Variants in PROM2 observed in about 807,000 individuals in gnomAD.
PROM2 encodes prominin 2.
Under a neutral mutation model 110.2 loss-of-function variants are expected in PROM2, and 90 were observed. The ratio of observed to expected loss-of-function variants is 0.82; its 90% CI spans 0.69 to 0.97. PROM2 has a LOEUF of 0.97. PROM2 is among the 50% of genes least tolerant of loss of function. The pLI is 0.00. For synonymous variants in PROM2, 470 were observed against 467.8 expected, an observed-to-expected ratio of 1.00 and a Z score of -0.06; for missense variants, 1,009 against 1,074.8, an observed-to-expected ratio of 0.94 and a Z score of 0.86.
chr2:95,284,696 C>T (rs1407834086), intron 14 of PROM2, among the ~76,000 whole-genome samples: 1 of 152,160 alleles, frequency 6.6e-6, no homozygotes, highest in Admixed American at 6.5e-5. Context: ...GCAGAGGTGC[C>T]ACACTCTTTC....
chr2:95,281,740 G>C (rs1009679444), intron 12 of PROM2, among the ~76,000 whole-genome samples, 185 bp from the exon 13 acceptor site: 1 of 152,122 alleles, frequency 6.6e-6, no homozygotes, highest in Non-Finnish European at 1.5e-5. Flanking sequence ...CATGGGAAGA[G>C]CCCCTGTAAG....
In PROM2 at chr2:95,286,825, A is replaced by G. The variant is rs369154449; in HGVS notation, c.2062A>G (p.Arg688Gly). 8 of 1,613,392 alleles carry G rather than the reference A, an allele frequency of 5.0e-6. No homozygotes were observed. The East Asian group carries it at 1.3e-4, about 27-fold the overall frequency. The change falls in exon 18 of 24, where the codon AGG (arginine) becomes GGG (glycine). Residue 688 changes from arginine (R) to glycine (G), a missense_variant. Physicochemically the swap from Arg to Gly is moderately radical, Grantham distance 125. Coordinates refer to ENST00000317620, the MANE Select transcript of PROM2 (RefSeq NM_001165978.3). The stretch of plus-strand genomic sequence containing the variant: ...ACAGGCAAAGCTCAACCTCAGCGTC[A>G]GGGCCCTGGAGTCCTCTGCCCCGAA... Reference protein sequence around the residue: ...SLVAKLNLSVRALESSAPNLQ... With the variant: ...SLVAKLNLSVGALESSAPNLQ...
In PROM2 at chr2:95,276,782, T is replaced by C. The variant is rs994132860; in HGVS notation, c.682+125T>C. 1.8e-5 allele frequency: 22 copies of C among 1,215,726 alleles called. No homozygotes were observed. The highest frequency in any genetic ancestry group is 2.5e-5 in the Non-Finnish European group (21 of 846,786). The allele number at this position is 1,215,726 out of a possible 1,614,324, so 75.3% of individuals were successfully genotyped here. ...GGGAACAGGCTGGTAGAGGTGGGGATCAGGCCGGCTGGAGAGCAAGAGTGG... is the reference window on the plus strand; with the variant it reads ...GGGAACAGGCTGGTAGAGGTGGGGACCAGGCCGGCTGGAGAGCAAGAGTGG... On this transcript the variant is annotated intron_variant, in intron 5 of 23. Transcript: ENST00000317620. This position sits in a 1 kb window ranked among gnomAD's most constrained non-coding sequence, Gnocchi z 4.6.
At chr2:95,274,929 G>A (rs1302250276) in intron 1 of PROM2, 100 bp downstream of exon 1, 10 of 1,399,198 alleles carry the variant, frequency 7.1e-6, no homozygotes, top group African/African-American at 4.4e-5. Context: ...CTACAAGCAG[G>A]CACTTGCCAT....
chr2:95,275,745 G>C lies in PROM2; in HGVS notation c.295-185G>C, dbSNP rs1471643963. 3.4e-6 allele frequency: 5 copies of C among 1,453,318 alleles called. No individual in the cohort carries two copies. In the Admixed American group the frequency reaches 1.2e-4, roughly 36 times the overall value. The allele number at this position is 1,453,318 out of a possible 1,614,324, so 90.0% of individuals were successfully genotyped here. On this transcript the variant is annotated intron_variant, in intron 2 of 23. Transcript: ENST00000317620. This position sits in a 1 kb window ranked among gnomAD's most constrained non-coding sequence, Gnocchi z 4.4. ...GGGAGCTGGAACTTCCTGAACTTCA[G>C]CTTCCTCCTGTGTAAGATGGTGATG...
In PROM2 at chr2:95,288,308, C is replaced by T. The variant is rs747079425; in HGVS notation, c.2334+8C>T. 4 of 1,613,558 alleles carry T rather than the reference C, an allele frequency of 2.5e-6. No homozygotes were observed. In the Admixed American group the frequency reaches 5.0e-5, roughly 20 times the overall value. On this transcript the variant is annotated splice_region_variant and intron_variant, in intron 21 of 23. Coordinates refer to ENST00000317620, the MANE Select transcript of PROM2 (RefSeq NM_001165978.3). ...ATGATGGCTGACCCCTGGGTGAGTGCCCCAGCTCATCGGGGCTTGTTCACC... is the reference window on the plus strand; with the variant it reads ...ATGATGGCTGACCCCTGGGTGAGTGTCCCAGCTCATCGGGGCTTGTTCACC...
chr2:95,286,947 G>GCT, intron 18 of PROM2, 90 bp downstream of exon 18: 1 of 1,467,686 alleles, frequency 6.8e-7, no homozygotes, highest in Non-Finnish European at 9.5e-7. Flanking sequence ...GCACCTCAGA[G>GCT]CTCTGCCCAG....
In PROM2 at chr2:95,276,711, G is replaced by T; in HGVS notation, c.682+54G>T. 6.3e-7 allele frequency: 1 copy of T among 1,586,236 alleles called. No individual in the cohort carries two copies. Among genetic ancestry groups the T allele is most frequent in the Non-Finnish European group, 8.6e-7 (1 of 1,157,506 alleles). ...CTGGCTCCTTCCAGGGCCCCTGCTCGGGTGCCTCGGTGGGGGCCTCTCACT... is the reference window on the plus strand; with the variant it reads ...CTGGCTCCTTCCAGGGCCCCTGCTCTGGTGCCTCGGTGGGGGCCTCTCACT... On this transcript the variant is annotated intron_variant, in intron 5 of 23. Transcript: ENST00000317620. This position sits in a 1 kb window ranked among gnomAD's most constrained non-coding sequence, Gnocchi z 4.6.
chr2:95,276,674 C>G lies in PROM2; in HGVS notation c.682+17C>G. The stretch of plus-strand genomic sequence containing the variant: ...AGCTGGATGGTGAGGGTCTCGGGGA[C>G]TGGCAGGTGGGCTGGCTCCTTCCAG... On this transcript the variant is annotated intron_variant, in intron 5 of 23. Transcript: ENST00000317620. The surrounding 1 kb of genome is among the most constrained non-coding windows in gnomAD (Gnocchi z 4.6). 6.2e-7 allele frequency: 1 copy of G among 1,612,268 alleles called. No homozygotes were observed. Among genetic ancestry groups the G allele is most frequent in the Non-Finnish European group, 8.5e-7 (1 of 1,179,854 alleles).
rs1188086529 is a variant in PROM2, at chr2:95,276,590, C to T, written c.619-4C>T. On this transcript the variant is annotated splice_region_variant and splice_polypyrimidine_tract_variant and intron_variant, in intron 4 of 23. Transcript: ENST00000317620. This position sits in a 1 kb window ranked among gnomAD's most constrained non-coding sequence, Gnocchi z 4.6. ...GGCAGCCTCAGGGCCTTGTGTTTGC[C>T]TAGGAGCTGCAGGCCGTGGCACAGC... The T allele has an allele frequency of 6.2e-7, 1 of 1,613,912 alleles. No homozygotes were observed. The highest frequency in any genetic ancestry group is 8.5e-7 in the Non-Finnish European group (1 of 1,180,010).
intron 22 of PROM2, 140 bp from the exon 23 acceptor site, chr2:95,288,793 T>A: frequency 1.1e-6 from 1 of 908,790 alleles, no homozygotes; most frequent in Non-Finnish European, 1.8e-6. Flanking sequence ...CTGCATCCAT[T>A]TGGGCGCAGC....
At chr2:95,281,403 G>A (rs1221052919) in intron 12 of PROM2, 38 bp downstream of exon 12, 1 of 1,588,248 alleles carries the variant, frequency 6.3e-7, no homozygotes, top group South Asian at 1.1e-5. Flanking sequence ...CCTGGGGAGA[G>A]AGGTGGGGGG....
rs376604843 is a variant in PROM2, at chr2:95,281,792, G to C, written c.1552-133G>C. The C allele has an allele frequency of 7.8e-5, 54 of 691,668 alleles. No homozygotes were observed. In the East Asian group the frequency reaches 1.3e-3, roughly 17 times the overall value. 42.8% of individuals were successfully genotyped at this position (691,668 alleles called of 1,614,324 possible). On this transcript the variant is annotated intron_variant, in intron 12 of 23. Transcript: ENST00000317620. ...GTCACCAGAGTTAGAGGCCAGGTGT[G>C]AGCTGGGGTGAGGGGATGTTTCCTA... is the stretch of plus-strand genomic sequence containing the variant.
At position 95,278,068 on chromosome 2, in the gene PROM2, C is replaced by T. The variant is rs1676784256; in HGVS notation, c.1050+64C>T. ...GCCAAGTGAGGGCCTCTGTTTCCCC[C>T]TTTTGGGCAGGAACCCAGTTGAACC... is the stretch of plus-strand genomic sequence containing the variant. On this transcript the variant is annotated intron_variant, in intron 8 of 23. Coordinates refer to ENST00000317620, the MANE Select transcript of PROM2 (RefSeq NM_001165978.3). The T allele has an allele frequency of 6.3e-6, 9 of 1,419,936 alleles. No homozygotes were observed. The East Asian group carries it at 1.7e-4, about 27-fold the overall frequency. 88.0% of individuals were successfully genotyped at this position (1,419,936 alleles called of 1,614,324 possible).
chr2:95,278,889 C>G, intron 9 of PROM2, 96 bp from the exon 10 acceptor site: 1 of 1,604,446 alleles, frequency 6.2e-7, no homozygotes. Context: ...GACTGTCTTC[C>G]CTCTGTGGTT....
Position 95,282,166 on chromosome 2 carries a change from C to G in PROM2, c.1668C>G (p.Leu556=). 6.2e-7 allele frequency: 1 copy of G among 1,614,004 alleles called. No homozygotes were observed. The highest frequency in any genetic ancestry group is 1.7e-5 in the Admixed American group (1 of 60,006). The change falls in exon 14 of 24, where the codon CTC becomes CTG. Residue 556 remains leucine, a synonymous_variant. Transcript: ENST00000317620. ...AYQQCKEGAA[L]WTVLQLNDSY... is the part of the protein sequence containing the mutation. ...GGCAGTGCAAGGAAGGGGCAGCGCT[C>G]TGGACAGTCCTGCAGCTCAACGACT...
chr2:95,277,168 T>G, intron 6 of PROM2, 107 bp downstream of exon 6: 1 of 1,182,484 alleles, frequency 8.5e-7, no homozygotes. Context: ...CTGCCCCACC[T>G]GTGACTTCCC....
At chr2:95,288,141 G>A in intron 20 of PROM2, 70 bp from the exon 21 acceptor site, 1 of 1,502,494 alleles carries the variant, frequency 6.7e-7, no homozygotes, top group Non-Finnish European at 9.2e-7. Context: ...CACTCTCCCT[G>A]AATTGAATAT....
intron 14 of PROM2, among the ~76,000 whole-genome samples, chr2:95,282,777 A>C (rs955542018): frequency 3.3e-5 from 5 of 152,178 alleles, no homozygotes; most frequent in Admixed American, 1.3e-4. Context: ...GAATGAAGGC[A>C]AGGAAGGGCT....
Sources: gnomAD v4.1 joint callset for allele counts (sites outside exome capture counted in the v4.1 genomes callset) on GRCh38, gnomAD v4.1.1 for gene constraint, Gnocchi (gnomAD v3.1) non-coding constraint, MANE v1.5 for transcripts, NCBI Gene and HGNC (gene_info 2026-07-23, HGNC 2026-07-21) for gene names.